MVB12B: variants seen among roughly 807,000 people sequenced by gnomAD.
MVB12B encodes the protein multivesicular body subunit 12B, also known as ESCRT-I complex subunit MVB12B.
Under a neutral mutation model 41.6 loss-of-function variants are expected in MVB12B, and 16 were observed. The observed-to-expected ratio is 0.38, with a 90% CI of 0.26 to 0.58. MVB12B has a LOEUF of 0.58. Ranked by LOEUF, MVB12B falls within the 20% of genes least tolerant of loss-of-function variation. MVB12B has a pLI of 0.62. For missense variants in MVB12B, 274 were observed against 380.2 expected (o/e 0.72, Z 2.32); for synonymous variants, 133 against 139.7 (o/e 0.95, Z 0.34).
chr9:126,387,131 G>A (rs560856821), intron 4 of MVB12B, among the ~76,000 whole-genome samples: 70 of 152,204 alleles, frequency 4.6e-4, no homozygotes, highest in African/African-American at 1.6e-3. Flanking sequence ...TCATAGGTTC[G>A]AATTGGACTG....
At chr9:126,441,110 G>A (rs1214930955) in intron 7 of MVB12B, among the ~76,000 whole-genome samples, 2 of 152,292 alleles carry the variant, frequency 1.3e-5, no homozygotes, top group South Asian at 2.1e-4. Context: ...TTTGTATTCC[G>A]TTTGGAGCAC....
At position 126,333,576 on chromosome 9, in the gene MVB12B, G is replaced by A. The variant is rs1218800177; in HGVS notation, c.81+6566G>A. Among the ~76,000 whole-genome samples the A allele has an allele frequency of 1.3e-5, 2 of 151,706 alleles. No homozygotes were observed. Among genetic ancestry groups the A allele is most frequent in the East Asian group, 1.9e-4 (1 of 5,164 alleles). ...CCACCACCACACCCAGCTAATTTTT[G>A]TATTTTTAGTAGAGATGCGGTTTTG... On this transcript the variant is annotated intron_variant, in intron 1 of 9. Transcript: ENST00000361171. The surrounding 1 kb of genome is among the most constrained non-coding windows in gnomAD (Gnocchi z 4.7).
intron 9 of MVB12B, among the ~76,000 whole-genome samples, chr9:126,487,683 C>T (rs1180453453): frequency 1.3e-5 from 2 of 151,366 alleles, no homozygotes; most frequent in African/African-American, 2.4e-5. Flanking sequence ...ATAGAAATCA[C>T]TTGAGCCCAG....
intron 2 of MVB12B, among the ~76,000 whole-genome samples, chr9:126,351,257 C>T (rs1231602022): frequency 6.6e-6 from 1 of 152,154 alleles, no homozygotes; most frequent in Non-Finnish European, 1.5e-5. Context: ...CCTTGCTGCA[C>T]TCACTATTAG....
At chr9:126,448,347 C>T (rs1009829304) in intron 7 of MVB12B, 1 of 152,264 alleles carries the variant, frequency 6.6e-6, no homozygotes, top group Non-Finnish European at 1.5e-5. Context: ...CAAGTCCAGC[C>T]CTGCTCAGAG....
intron 2 of MVB12B, among the ~76,000 whole-genome samples, chr9:126,375,946 C>T (rs890985062): frequency 2.0e-5 from 3 of 152,138 alleles, no homozygotes; most frequent in African/African-American, 4.8e-5. Flanking sequence ...GTGGGATTCT[C>T]GGTTCTTTCG....
In MVB12B at chr9:126,395,689, C is replaced by T. The variant is rs746586624; in HGVS notation, c.654C>T (p.Asn218=). ...QSSAASTPAP[N]LPRHISLTLP... ...CAGCTGCCTCCACCCCAGCCCCCAA[C>T]CTTCCCAGGTGAGGCCTTGTCGGGG... is the stretch of plus-strand genomic sequence containing the variant. Residue 218 remains asparagine, a synonymous_variant, in exon 6 of 10, where the codon AAC becomes AAT. Coordinates refer to ENST00000361171, the MANE Select transcript of MVB12B (RefSeq NM_033446.3). The surrounding 1 kb of genome is among the most constrained non-coding windows in gnomAD (Gnocchi z 4.9). 1 of 1,613,970 alleles carries T rather than the reference C, an allele frequency of 6.2e-7. No individual in the cohort carries two copies. The highest frequency in any genetic ancestry group is 1.3e-5 in the African/African-American group (1 of 74,920).
chr9:126,481,172 T>C (rs553758509), intron 7 of MVB12B, 197 bp from the exon 8 acceptor site: 125 of 610,762 alleles, frequency 2.0e-4, no homozygotes, highest in Non-Finnish European at 3.1e-4. Flanking sequence ...GGCGCCTGCC[T>C]CTCTCAGTAG....
rs961632268 is a variant in MVB12B at position 126,459,313 on chromosome 9, G to T, written c.758-22056G>T. Reference sequence around the variant, plus strand: ...CCTTGCCTCTCTGAGTCATAAAACAGGCCAATTGTGTTTTTCTTAGGGGAC... The same window carrying T: ...CCTTGCCTCTCTGAGTCATAAAACATGCCAATTGTGTTTTTCTTAGGGGAC... On this transcript the variant is annotated intron_variant, in intron 7 of 9. Transcript: ENST00000361171. This position sits in a 1 kb window ranked among gnomAD's most constrained non-coding sequence, Gnocchi z 4.3. 6.6e-6 allele frequency among the ~76,000 whole-genome samples: 1 copy of T among 152,186 alleles called. No homozygotes were observed. The highest frequency in any genetic ancestry group is 1.5e-5 in the Non-Finnish European group (1 of 68,042).
chr9:126,430,429 G>A (rs1398932047), intron 7 of MVB12B, among the ~76,000 whole-genome samples: 1 of 152,106 alleles, frequency 6.6e-6, no homozygotes, highest in Non-Finnish European at 1.5e-5. Context: ...CTCCCAAGCT[G>A]CCTCTCCATC....
chr9:126,395,520 C>T lies in MVB12B; in HGVS notation c.540-55C>T. 1 of 1,588,960 alleles carries T rather than the reference C, an allele frequency of 6.3e-7. No individual in the cohort carries two copies. Among genetic ancestry groups the T allele is most frequent in the Non-Finnish European group, 8.6e-7 (1 of 1,165,304 alleles). Reference sequence around the variant, plus strand: ...AAATGAATTGGTTTGCTTTGTCACTCAGGTAAATGCTTTGTGCTAACCAGA... The same window carrying T: ...AAATGAATTGGTTTGCTTTGTCACTTAGGTAAATGCTTTGTGCTAACCAGA... On this transcript the variant is annotated intron_variant, in intron 5 of 9. Transcript: ENST00000361171. The surrounding 1 kb of genome is among the most constrained non-coding windows in gnomAD (Gnocchi z 4.9).
intron 2 of MVB12B, among the ~76,000 whole-genome samples, chr9:126,357,988 A>G (rs1463847783): frequency 6.6e-6 from 1 of 152,112 alleles, no homozygotes; most frequent in African/African-American, 2.4e-5. Context: ...TTTCAAGTTA[A>G]TGGTTATATG....
At chr9:126,431,394 A>G (rs372738729) in intron 7 of MVB12B, among the ~76,000 whole-genome samples, 340 of 152,346 alleles carry the variant, frequency 2.2e-3, no homozygotes, top group Non-Finnish European at 3.4e-3. Context: ...TGCAACTTCT[A>G]TAAAATCTTT....
chr9:126,390,958 A>G (rs2118993812), intron 4 of MVB12B, among the ~76,000 whole-genome samples: 1 of 152,150 alleles, frequency 6.6e-6, no homozygotes, highest in Admixed American at 6.5e-5. Context: ...TCTCAAAAAA[A>G]AAAAAAAAAA....
intron 6 of MVB12B, chr9:126,408,147 T>C (rs1831499499): frequency 6.6e-6 from 1 of 152,210 alleles, no homozygotes; most frequent in Admixed American, 6.5e-5. Context: ...AAGGGCGAGC[T>C]GCCGGCATGA....
In MVB12B at chr9:126,457,187, C is replaced by T. The variant is rs191428485; in HGVS notation, c.758-24182C>T. Among the ~76,000 whole-genome samples the T allele has an allele frequency of 1.2e-4, 18 of 152,348 alleles. No homozygotes were observed. The East Asian group carries it at 1.3e-3, about 11-fold the overall frequency. On this transcript the variant is annotated intron_variant, in intron 7 of 9. Transcript: ENST00000361171. The stretch of plus-strand genomic sequence containing the variant: ...TCAGCTCCTTCCCTTACCCACACTG[C>T]GGCCAAGTCTCTCCCCTTTCTTAGA...
intron 7 of MVB12B, among the ~76,000 whole-genome samples, chr9:126,434,014 C>G (rs1278206306): frequency 6.6e-6 from 1 of 152,162 alleles, no homozygotes; most frequent in Non-Finnish European, 1.5e-5. Context: ...TCTTTCAGCT[C>G]TTACACAGTA....
chr9:126,337,037 C>T (rs1386449794), intron 1 of MVB12B, among the ~76,000 whole-genome samples: 1 of 152,212 alleles, frequency 6.6e-6, no homozygotes, highest in Non-Finnish European at 1.5e-5. Flanking sequence ...CTTAGATTGG[C>T]CCAATCCTAT....
At chr9:126,449,180 G>A in intron 7 of MVB12B, among the ~76,000 whole-genome samples, 1 of 152,352 alleles carries the variant, frequency 6.6e-6, no homozygotes, top group South Asian at 2.1e-4. Flanking sequence ...GCCTGGACTG[G>A]CAGAGAGCCC....
Sources: gnomAD v4.1 joint callset for allele counts (sites outside exome capture counted in the v4.1 genomes callset) on GRCh38, gnomAD v4.1.1 for gene constraint, Gnocchi (gnomAD v3.1) non-coding constraint, MANE v1.5 for transcripts, NCBI Gene and HGNC (gene_info 2026-07-23, HGNC 2026-07-21) for gene names.